The following DNAJC16 variants were observed in gnomAD, a reference collection of about 807,000 sequenced individuals.
The protein encoded by DNAJC16 is dnaJ homolog subfamily C member 16.
A neutral mutation model predicts 92.7 loss-of-function variants in DNAJC16; 76 were observed. That is an observed-to-expected ratio of 0.82 (90% CI 0.68 to 0.99). The LOEUF (loss-of-function observed/expected upper bound fraction) is 0.99, where lower values mean the gene tolerates loss of function less well. DNAJC16 is among the 50% of genes least tolerant of loss of function. The pLI is 0.00. For missense variants in DNAJC16, 869 were observed against 942.4 expected (o/e 0.92, Z 1.02); for synonymous variants, 328 against 358.7 (o/e 0.91, Z 0.97).
rs551470311 is a variant in DNAJC16, at chr1:15,567,671, A to G, written c.1950-107A>G. On this transcript the variant is annotated intron_variant, in intron 14 of 14. Coordinates refer to ENST00000375847, the MANE Select transcript of DNAJC16 (RefSeq NM_015291.4). ...TTTCTCTGTGTTCAGGCCCCATCCA[A>G]CACAAAGCGTTTTCCTATTATTTTA... 3 of 1,265,692 alleles carry G rather than the reference A, an allele frequency of 2.4e-6. No homozygotes were observed. In the East Asian group the frequency reaches 6.9e-5, roughly 29 times the overall value. The allele number at this position is 1,265,692 out of a possible 1,614,324, so 78.4% of individuals were successfully genotyped here. A position where few individuals can be genotyped will look rare whatever the true frequency, so the allele number is the denominator to read the frequency against.
intron 13 of DNAJC16, chr1:15,566,547 G>T: frequency 4.4e-6 from 1 of 225,432 alleles, no homozygotes; most frequent in Non-Finnish European, 8.8e-6. Flanking sequence ...CTGAATGATA[G>T]TTGTCTTCTT....
At chr1:15,553,058 C>T (rs1174023808) in intron 7 of DNAJC16, among the ~76,000 whole-genome samples, 1 of 151,798 alleles carries the variant, frequency 6.6e-6, no homozygotes. Flanking sequence ...GTGTGAGCCA[C>T]CGCGCCCGGC....
chr1:15,567,106 C>A lies in DNAJC16; in HGVS notation c.1786C>A (p.Pro596Thr). Residue 596 changes from proline (P) to threonine (T), a missense_variant, in exon 14 of 15, where the codon CCT (proline) becomes ACT (threonine). Coordinates refer to ENST00000375847, the MANE Select transcript of DNAJC16 (RefSeq NM_015291.4). ...CTCAATATTTCTCCACAGCAAGATT[C>A]CTAAAAAAGGCTTTGTGGAGGTAAC... Reference protein sequence around the residue: ...SFTKENSSKIPKKGFVEVTEL... With the variant: ...SFTKENSSKITKKGFVEVTEL... 1.2e-6 allele frequency: 2 copies of A among 1,606,914 alleles called. No individual in the cohort carries two copies. Among genetic ancestry groups the A allele is most frequent in the South Asian group, 1.1e-5 (1 of 90,880 alleles).
intron 5 of DNAJC16, 24 bp downstream of exon 5, chr1:15,544,607 T>C (rs1196435261): frequency 7.4e-6 from 12 of 1,611,254 alleles, no homozygotes; most frequent in Non-Finnish European, 1.0e-5. Context: ...AAGGAAACTA[T>C]GGCTGAGAAG....
intron 7 of DNAJC16, among the ~76,000 whole-genome samples, chr1:15,558,546 G>C (rs11584209): frequency 3.3e-5 from 5 of 151,790 alleles, no homozygotes; most frequent in African/African-American, 1.2e-4. Flanking sequence ...TGCACAGGCT[G>C]GTCTCTAACT....
At chr1:15,547,536 G>A (rs1247805554) in intron 6 of DNAJC16, among the ~76,000 whole-genome samples, 2 of 151,080 alleles carry the variant, frequency 1.3e-5, no homozygotes, top group Non-Finnish European at 2.9e-5. Context: ...TCCGCCTACC[G>A]GGTTCAAGCA....
chr1:15,551,529 G>A (rs972697567), intron 7 of DNAJC16, among the ~76,000 whole-genome samples: 1 of 151,320 alleles, frequency 6.6e-6, no homozygotes, highest in Non-Finnish European at 1.5e-5. Context: ...TTAGAATTTC[G>A]AAAAATTTGT....
chr1:15,569,681 C>T lies in DNAJC16; in HGVS notation c.*1504C>T, dbSNP rs1638906027. The T allele has an allele frequency of 6.9e-6, 1 of 144,122 alleles. No homozygotes were observed. The highest frequency in any genetic ancestry group is 7.2e-5 in the Admixed American group (1 of 13,908). The allele number at this position is 144,122 out of a possible 1,614,324, so 8.9% of individuals were successfully genotyped here. On this transcript the variant is annotated 3_prime_UTR_variant, in exon 15 of 15. Coordinates refer to ENST00000375847, the MANE Select transcript of DNAJC16 (RefSeq NM_015291.4). ...TTGAGACAGAGTTTCACTCTTGTTGCCCAGGCTGGAGTGAAATGGTGCGAT... is the reference window on the plus strand; with the variant it reads ...TTGAGACAGAGTTTCACTCTTGTTGTCCAGGCTGGAGTGAAATGGTGCGAT...
chr1:15,562,937 A>G (rs539552180), intron 9 of DNAJC16, among the ~76,000 whole-genome samples: 1 of 149,410 alleles, frequency 6.7e-6, no homozygotes, highest in East Asian at 2.0e-4. Flanking sequence ...GTCTTGCAGC[A>G]TCCTAGATCC....
chr1:15,550,068 G>A (rs1185754575), intron 7 of DNAJC16, among the ~76,000 whole-genome samples: 1 of 152,198 alleles, frequency 6.6e-6, no homozygotes, highest in Non-Finnish European at 1.5e-5. Flanking sequence ...GGGGATGACT[G>A]CTGTATGTAA....
At chr1:15,537,369 T>A (rs982774756) in intron 4 of DNAJC16, among the ~76,000 whole-genome samples, 7 of 152,184 alleles carry the variant, frequency 4.6e-5, no homozygotes, top group Admixed American at 2.6e-4. Context: ...AAGAGAAGTG[T>A]GCTGTGGAAG....
At chr1:15,539,549 T>A (rs1010891511) in intron 4 of DNAJC16, among the ~76,000 whole-genome samples, 1 of 151,928 alleles carries the variant, frequency 6.6e-6, no homozygotes, top group Admixed American at 6.6e-5. Flanking sequence ...CCTGGCTTTT[T>A]TTTTTCTTTT....
chr1:15,564,161 C>A, intron 10 of DNAJC16, 50 bp downstream of exon 10: 1 of 1,604,910 alleles, frequency 6.2e-7, no homozygotes, highest in Non-Finnish European at 8.5e-7. Context: ...CTTGTGAGTA[C>A]ACAGTGCTGG....
chr1:15,541,035 AC>A (rs1710920403), intron 4 of DNAJC16, among the ~76,000 whole-genome samples: 1 of 152,094 alleles, frequency 6.6e-6, no homozygotes, highest in Non-Finnish European at 1.5e-5. Flanking sequence ...ATGATGCCTC[AC>A]CCTCCCCCAG....
rs1414386460 is a variant in DNAJC16, at chr1:15,567,174, G to A, written c.1854G>A (p.Leu618=). Residue 618 remains leucine, a synonymous_variant, in exon 14 of 15, where the codon CTG becomes CTA. Transcript: ENST00000375847. ...DVTYTSNLVR[L]RPGHMNVVLI... ...CATACACCAGTAACTTGGTACGTCT[G>A]AGGCCAGGCCACATGAATGTGGTCC... 1.7e-5 allele frequency: 27 copies of A among 1,614,030 alleles called. No homozygotes were observed. Among genetic ancestry groups the A allele is most frequent in the African/African-American group, 2.7e-5 (2 of 74,932 alleles).
Position 15,536,156 on chromosome 1 carries a change from C to T in DNAJC16, c.235-319C>T, listed in dbSNP as rs191288104. 8.3e-3 allele frequency among the ~76,000 whole-genome samples: 1,255 copies of T among 150,636 alleles called. 21 individuals are homozygous for T. Among genetic ancestry groups the T allele is most frequent in the African/African-American group, 0.028 (1,162 of 40,898 alleles). ...TGGCACCATCTCGGCTCACCTCAAC[C>T]TCCGCCTCCTGGGTTCAAGCAATTC... On this transcript the variant is annotated intron_variant, in intron 3 of 14. Transcript: ENST00000375847.
Position 15,562,169 on chromosome 1 carries a change from G to T in DNAJC16, c.1182G>T (p.Glu394Asp). ...RKYCVVLLTA[E>D]TTKLSKPFEA... ...ACTGTGTGGTTTTATTGACTGCTGAGACTACCAAGTTGAGCAAACCCTTTG... is the reference window on the plus strand; with the variant it reads ...ACTGTGTGGTTTTATTGACTGCTGATACTACCAAGTTGAGCAAACCCTTTG... The change falls in exon 9 of 15, where the codon GAG (glutamate) becomes GAT (aspartate). Residue 394 changes from glutamate (E) to aspartate (D), a missense_variant. By Grantham distance (45) the Glu-to-Asp change is conservative (BLOSUM62 2). Transcript: ENST00000375847. 3 of 1,613,868 alleles carry T rather than the reference G, an allele frequency of 1.9e-6. No homozygotes were observed. The highest frequency in any genetic ancestry group is 1.1e-5 in the South Asian group (1 of 91,038).
rs1413573601 is a variant in DNAJC16 at position 15,564,230 on chromosome 1, G to T, written c.1522-53G>T. On this transcript the variant is annotated intron_variant, in intron 10 of 14. Coordinates refer to ENST00000375847, the MANE Select transcript of DNAJC16 (RefSeq NM_015291.4). ...GCAGCACTGTGTTGCAGGGTAGAGG[G>T]ACTCTCCCTTCCGGCTTTAGTCCTG... is the stretch of plus-strand genomic sequence containing the variant. 2.4e-5 allele frequency: 37 copies of T among 1,527,426 alleles called. No homozygotes were observed. In the Admixed American group the frequency reaches 6.0e-4, roughly 25 times the overall value. The allele number at this position is 1,527,426 out of a possible 1,614,324, so 94.6% of individuals were successfully genotyped here. A position where few individuals can be genotyped will look rare whatever the true frequency, so the allele number is the denominator to read the frequency against.
intron 3 of DNAJC16, among the ~76,000 whole-genome samples, chr1:15,535,354 G>A (rs1487615709): frequency 6.6e-6 from 1 of 152,214 alleles, no homozygotes; most frequent in African/African-American, 2.4e-5. Context: ...ATGCCAAGAT[G>A]AGCATGAGTA....
Sources: gnomAD v4.1 joint callset for allele counts (sites outside exome capture counted in the v4.1 genomes callset) on GRCh38, gnomAD v4.1.1 for gene constraint, MANE v1.5 for transcripts, NCBI Gene and HGNC (gene_info 2026-07-23, HGNC 2026-07-21) for gene names.